DOP1B: variants seen among roughly 807,000 people sequenced by gnomAD.
The protein encoded by DOP1B is protein DOP1B.
A neutral mutation model predicts 233.5 loss-of-function variants in DOP1B; 174 were observed. The observed-to-expected ratio is 0.75, with a 90% CI of 0.66 to 0.85. The LOEUF (loss-of-function observed/expected upper bound fraction) is 0.85. DOP1B is among the 40% of genes least tolerant of loss of function. The pLI is 0.00. For missense variants in DOP1B, 2,652 were observed against 2,846.6 expected, an observed-to-expected ratio of 0.93 and a Z score of 1.56; for synonymous variants, 1,190 against 1,185.6, an observed-to-expected ratio of 1.00 and a Z score of -0.08.
At chr21:36,169,020 A>AT in intron 2 of DOP1B, 1 of 825,184 alleles carries the variant, frequency 1.2e-6, no homozygotes, top group Non-Finnish European at 2.1e-6. Context: ...GGTCCCATGA[A>AT]TGCTTTCTTC....
In DOP1B at chr21:36,176,097, C is replaced by CGTGTGTGTGTGT. The variant is rs1555886143; in HGVS notation, c.138+11240_138+11251dup. ...GAGCTTCGACTTTGGGGTGTGTGTG[C>CGTGTGTGTGTGT]GTGTGTGTGTGTGTGTGTGTGTGTG... On this transcript the variant is annotated intron_variant, in intron 2 of 36. Coordinates refer to ENST00000691173, the MANE Select transcript of DOP1B (RefSeq NM_001320714.2). Among the ~76,000 whole-genome samples the CGTGTGTGTGTGT allele has an allele frequency of 4.9e-3, 696 of 141,834 alleles. 5 individuals are homozygous for CGTGTGTGTGTGT. Among genetic ancestry groups the CGTGTGTGTGTGT allele is most frequent in the African/African-American group, 7.8e-3 (303 of 38,878 alleles). 93.0% of individuals were successfully genotyped at this position (141,834 alleles called of 152,430 possible).
intron 24 of DOP1B, among the ~76,000 whole-genome samples, chr21:36,262,990 T>C (rs1474384504): frequency 6.6e-6 from 1 of 151,718 alleles, no homozygotes. Context: ...ATCCCAGCAC[T>C]TTGGGAGGCC....
intron 15 of DOP1B, among the ~76,000 whole-genome samples, chr21:36,234,918 T>A (rs773553798): frequency 6.6e-6 from 1 of 152,228 alleles, no homozygotes; most frequent in South Asian, 2.1e-4. Context: ...TTATACATTG[T>A]ATGATGATCA....
chr21:36,158,373 C>G (rs1259510858), intron 1 of DOP1B, among the ~76,000 whole-genome samples: 1 of 152,178 alleles, frequency 6.6e-6, no homozygotes, highest in Non-Finnish European at 1.5e-5. Context: ...GAGACCTGTA[C>G]TATCTCACTG....
chr21:36,169,531 G>A lies in DOP1B; in HGVS notation c.138+4660G>A, dbSNP rs1439175314. On this transcript the variant is annotated intron_variant, in intron 2 of 36. Coordinates refer to ENST00000691173, the MANE Select transcript of DOP1B (RefSeq NM_001320714.2). ...TGCCCTTGGTCACCCCGATGATGTCGATCATCTCGTCCAGCCCAAACGCTT... is the reference window on the plus strand; with the variant it reads ...TGCCCTTGGTCACCCCGATGATGTCAATCATCTCGTCCAGCCCAAACGCTT... 8.1e-6 allele frequency: 9 copies of A among 1,117,498 alleles called. No homozygotes were observed. The African/African-American group carries it at 1.1e-4, about 13-fold the overall frequency. 69.2% of individuals were successfully genotyped at this position (1,117,498 alleles called of 1,614,324 possible).
intron 26 of DOP1B, among the ~76,000 whole-genome samples, chr21:36,264,682 G>T (rs992447925): frequency 2.0e-5 from 3 of 151,686 alleles, no homozygotes; most frequent in Non-Finnish European, 1.5e-5. Context: ...CATGTTGGCT[G>T]GTCTGGTCTC....
chr21:36,265,502 G>C (rs1013845621), intron 26 of DOP1B, among the ~76,000 whole-genome samples: 2 of 152,212 alleles, frequency 1.3e-5, no homozygotes, highest in Admixed American at 6.5e-5. Context: ...ACGTTACAAT[G>C]CCGATGCTGC....
At chr21:36,222,248 G>A (rs2066633498) in intron 10 of DOP1B, among the ~76,000 whole-genome samples, 1 of 152,008 alleles carries the variant, frequency 6.6e-6, no homozygotes, top group Non-Finnish European at 1.5e-5. Context: ...GATTTCGGTA[G>A]GATAAATTTC....
chr21:36,245,432 G>A lies in DOP1B; in HGVS notation c.3452G>A (p.Gly1151Glu), dbSNP rs761015908. The A allele has an allele frequency of 1.2e-6, 2 of 1,614,002 alleles. No homozygotes were observed. Among genetic ancestry groups the A allele is most frequent in the Admixed American group, 1.7e-5 (1 of 60,030 alleles). ...AACTGCTGTGCACCCATCCCCATGG[G>A]GGGCAGGGCGTACCCCAAGCGCTCG... ...EENCCAPIPMGGRAYPKRSAL... is the reference protein window; with the variant it reads ...EENCCAPIPMEGRAYPKRSAL... Residue 1151 changes from glycine (G) to glutamate (E), a missense_variant, in exon 19 of 37, where the codon GGG becomes GAG. Physicochemically the swap from Gly to Glu is moderately conservative, Grantham distance 98 (BLOSUM62 -2). Around this residue, in one of 3 missense-constraint regions of DOP1B, gnomAD observed 2,617 missense variants for 2,794.3 expected, o/e 0.94. Transcript: ENST00000691173. The surrounding 1 kb of genome is among the most constrained non-coding windows in gnomAD (Gnocchi z 5.5).
In DOP1B at chr21:36,230,874, C is replaced by T. The variant is rs2066755862; in HGVS notation, c.2090C>T (p.Ser697Leu). 1.2e-6 allele frequency: 2 copies of T among 1,614,132 alleles called. No homozygotes were observed. Among genetic ancestry groups the T allele is most frequent in the Non-Finnish European group, 1.7e-6 (2 of 1,180,008 alleles). ...ITVPQFKQMLSDLFTARGSPF... is the reference protein window; with the variant it reads ...ITVPQFKQMLLDLFTARGSPF... ...GTGCCTCAGTTCAAGCAGATGCTGT[C>T]AGACTTGTTCACAGCACGAGGGTCT... Residue 697 changes from serine (S) to leucine (L), a missense_variant, in exon 14 of 37, where the codon TCA (serine) becomes TTA (leucine). Around this residue, in one of 3 missense-constraint regions of DOP1B, gnomAD observed 2,617 missense variants for 2,794.3 expected, o/e 0.94. Transcript: ENST00000691173.
intron 36 of DOP1B, among the ~76,000 whole-genome samples, chr21:36,293,013 C>G (rs1298355795): frequency 6.6e-6 from 1 of 151,906 alleles, no homozygotes; most frequent in Non-Finnish European, 1.5e-5. Context: ...TCAAGACCAA[C>G]CTGGCAAATA....
chr21:36,237,346 C>T lies in DOP1B; in HGVS notation c.2707C>T (p.His903Tyr). 6.2e-7 allele frequency: 1 copy of T among 1,614,222 alleles called. No individual in the cohort carries two copies. Among genetic ancestry groups the T allele is most frequent in the Non-Finnish European group, 8.5e-7 (1 of 1,180,050 alleles). ...CTGCGTAGAATTGTTCTACCGGCTG[C>T]ACTGCCTGGCCCCTACGGCCAACAT... ...VTCVELFYRL[H>Y]CLAPTANICE... Residue 903 changes from histidine (H) to tyrosine (Y), a missense_variant, in exon 16 of 37, where the codon CAC becomes TAC. Coordinates refer to ENST00000691173, the MANE Select transcript of DOP1B (RefSeq NM_001320714.2).
rs1328431176 is a variant in DOP1B, at chr21:36,288,001, C to G, written c.6161-13C>G. ...CATATTTGTGTAACATCTTTACAAT[C>G]TTCTTTCCTTAGAACGCCTGACAGA... On this transcript the variant is annotated splice_polypyrimidine_tract_variant and intron_variant, in intron 32 of 36. Transcript: ENST00000691173. The G allele has an allele frequency of 1.1e-5, 18 of 1,609,102 alleles. No homozygotes were observed. Among genetic ancestry groups the G allele is most frequent in the Non-Finnish European group, 1.5e-5 (18 of 1,178,844 alleles).
In DOP1B at chr21:36,281,590, C is replaced by T. The variant is rs772015205; in HGVS notation, c.6139C>T (p.Leu2047Phe). 6.3e-7 allele frequency: 1 copy of T among 1,598,530 alleles called. No individual in the cohort carries two copies. Among genetic ancestry groups the T allele is most frequent in the Non-Finnish European group, 8.6e-7 (1 of 1,167,192 alleles). The change falls in exon 32 of 37, where the codon CTT (leucine) becomes TTT (phenylalanine). Residue 2047 changes from leucine to phenylalanine, a missense_variant. Physicochemically the swap from Leu to Phe is conservative, Grantham distance 22 (BLOSUM62 0). Coordinates refer to ENST00000691173, the MANE Select transcript of DOP1B (RefSeq NM_001320714.2). ...CAGTGGAGAACTTGATCAATACCAC[C>T]TTTACCTTCCACTGATACAAGGTAA... ...VFSGELDQYHLYLPLIQERLT... is the reference protein window; with the variant it reads ...VFSGELDQYHFYLPLIQERLT...
intron 4 of DOP1B, among the ~76,000 whole-genome samples, chr21:36,204,144 G>A (rs947681695): frequency 6.6e-6 from 1 of 152,114 alleles, no homozygotes; most frequent in African/African-American, 2.4e-5. Flanking sequence ...CTGGGGGTGG[G>A]GAGGGTGCTA....
chr21:36,237,492 A>T lies in DOP1B; in HGVS notation c.2775+78A>T, dbSNP rs1381451977. The T allele has an allele frequency of 9.0e-6, 14 of 1,563,224 alleles. No individual in the cohort carries two copies. The East Asian group carries it at 2.7e-4, about 31-fold the overall frequency. ...ACGTGCCCTTAGCCAACTGACATCC[A>T]TTCGGTCGAAGTCTTTCTGGGGCTG... is the stretch of plus-strand genomic sequence containing the variant. On this transcript the variant is annotated intron_variant, in intron 16 of 36. Coordinates refer to ENST00000691173, the MANE Select transcript of DOP1B (RefSeq NM_001320714.2).
intron 9 of DOP1B, among the ~76,000 whole-genome samples, chr21:36,218,718 G>A (rs34030985): frequency 0.038 from 5,757 of 152,250 alleles, 132 homozygotes; most frequent in South Asian, 0.07. Context: ...TGGATACATG[G>A]GTAAGAAGTC....
chr21:36,257,864 T>C (rs1393035655), intron 23 of DOP1B, among the ~76,000 whole-genome samples: 1 of 141,388 alleles, frequency 7.1e-6, no homozygotes, highest in Non-Finnish European at 1.5e-5. Context: ...GGTAGAGAGA[T>C]AGATGTAGGT....
rs1173384490 is a variant in DOP1B at position 36,225,569 on chromosome 21, G to C, written c.1375G>C (p.Val459Leu). The change falls in exon 12 of 37, where the codon GTG becomes CTG. Residue 459 changes from valine (V) to leucine (L), a missense_variant. This residue lies in a region of DOP1B where 2,617 missense variants were observed against 2,794.3 expected (regional missense o/e 0.94). Transcript: ENST00000691173. ...TRCFEECFRP[V>L]KQRYSVRNSV... Reference sequence around the variant, plus strand: ...TTTCTTTGCTGTGATTTATAGACCAGTGAAGCAGCGTTACAGCGTGAGGAA... The same window carrying C: ...TTTCTTTGCTGTGATTTATAGACCACTGAAGCAGCGTTACAGCGTGAGGAA... 2 of 1,613,986 alleles carry C rather than the reference G, an allele frequency of 1.2e-6. No individual in the cohort carries two copies. Among genetic ancestry groups the C allele is most frequent in the Non-Finnish European group, 1.7e-6 (2 of 1,180,022 alleles).
Sources: allele counts gnomAD v4.1 joint callset (sites outside exome capture counted in the v4.1 genomes callset), GRCh38; gene constraint gnomAD v4.1.1; regional missense constraint gnomAD v4.1.1; non-coding constraint Gnocchi (gnomAD v3.1); transcripts MANE v1.5; gene names NCBI Gene and HGNC (gene_info 2026-07-23, HGNC 2026-07-21).